ERC1: variants seen among roughly 807,000 people sequenced by gnomAD.
ERC1 encodes the protein RAB6 interacting protein 2.
A neutral mutation model predicts 132.0 loss-of-function variants in ERC1; 56 were observed. The ratio of observed to expected loss-of-function variants is 0.42; its 90% CI spans 0.34 to 0.53. The LOEUF (loss-of-function observed/expected upper bound fraction) is 0.53. Among genes scored for constraint, ERC1 ranks in the 20% least tolerant of loss-of-function variants. The pLI is 0.03. For missense variants in ERC1, 1,202 were observed against 1,349.9 expected (o/e 0.89, Z 1.72); for synonymous variants, 478 against 476.1 (o/e 1.00, Z -0.05).
chr12:1,124,254 CAA>C (rs1947901523), intron 7 of ERC1, among the ~76,000 whole-genome samples: 1 of 152,084 alleles, frequency 6.6e-6, no homozygotes, highest in Non-Finnish European at 1.5e-5. Context: ...TTAAAATTCC[CAA>C]GAGTCAAAGT....
intron 8 of ERC1, among the ~76,000 whole-genome samples, chr12:1,177,011 T>C (rs1073939): frequency 0.22 from 33,936 of 152,154 alleles, 4,434 homozygotes; most frequent in Non-Finnish European, 0.3. Context: ...CTTTACACTT[T>C]TATATTATGG....
At chr12:1,401,081 G>A (rs1208634502) in intron 16 of ERC1, among the ~76,000 whole-genome samples, 3 of 151,324 alleles carry the variant, frequency 2.0e-5, no homozygotes, top group African/African-American at 7.3e-5. Flanking sequence ...GACTACAGAC[G>A]CCCACCGCTG....
At chr12:1,457,025 A>T (rs1051838415) in intron 18 of ERC1, among the ~76,000 whole-genome samples, 22 of 152,220 alleles carry the variant, frequency 1.4e-4, no homozygotes, top group African/African-American at 4.8e-4. Flanking sequence ...CCGTAAGATG[A>T]TAAGACCATA....
intron 18 of ERC1, among the ~76,000 whole-genome samples, chr12:1,462,014 A>G (rs1230566751): frequency 2.0e-5 from 3 of 152,240 alleles, no homozygotes; most frequent in Non-Finnish European, 4.4e-5. Flanking sequence ...TATTTAATAG[A>G]TATTTAGTAT....
chr12:1,358,216 C>CAA lies in ERC1; in HGVS notation c.2781-13604_2781-13603dup, dbSNP rs546951526. Among the ~76,000 whole-genome samples the CAA allele has an allele frequency of 1.1e-3, 70 of 61,722 alleles. 1 individual carries two copies. In the South Asian group the frequency reaches 0.013, roughly 11 times the overall value. The allele number at this position is 61,722 out of a possible 152,430, so 40.5% of individuals were successfully genotyped here. Reference sequence around the variant, plus strand: ...ACAACATAGCAAGGCCTTGTCTGTTCAAAAAAAAAAAAAACACTAAACTTT... The same window carrying CAA: ...ACAACATAGCAAGGCCTTGTCTGTTCAAAAAAAAAAAAAAAACACTAAACTTT... On this transcript the variant is annotated intron_variant, in intron 15 of 18. Transcript: ENST00000360905.
intron 7 of ERC1, among the ~76,000 whole-genome samples, chr12:1,129,213 T>C (rs1012020968): frequency 6.6e-6 from 1 of 152,110 alleles, no homozygotes; most frequent in Non-Finnish European, 1.5e-5. Flanking sequence ...GCATGATGGC[T>C]CACGCCTGTA....
intron 16 of ERC1, among the ~76,000 whole-genome samples, chr12:1,400,335 A>G (rs921625519): frequency 1.3e-4 from 20 of 152,208 alleles, no homozygotes; most frequent in African/African-American, 4.8e-4. Context: ...TATCATATAT[A>G]TGATTTATAA....
intron 7 of ERC1, among the ~76,000 whole-genome samples, chr12:1,139,199 A>G (rs1240285284): frequency 6.6e-6 from 1 of 152,124 alleles, no homozygotes; most frequent in Non-Finnish European, 1.5e-5. Flanking sequence ...TTTTTTAGGT[A>G]GTGTGATGAA....
At chr12:1,328,210 A>T (rs7976985) in intron 15 of ERC1, among the ~76,000 whole-genome samples, 5,280 of 152,122 alleles carry the variant, frequency 0.035, 100 homozygotes, top group Middle Eastern at 0.075. Flanking sequence ...GCATTGGCAT[A>T]ATCACTGGTC....
At chr12:1,378,639 T>C (rs2088232274) in intron 16 of ERC1, among the ~76,000 whole-genome samples, 1 of 152,226 alleles carries the variant, frequency 6.6e-6, no homozygotes, top group Non-Finnish European at 1.5e-5. Context: ...GTTGCCATTA[T>C]TCTGTATTGT....
At chr12:1,177,601 C>T (rs945336134) in intron 8 of ERC1, among the ~76,000 whole-genome samples, 1 of 152,212 alleles carries the variant, frequency 6.6e-6, no homozygotes, top group African/African-American at 2.4e-5. Context: ...AGTTCACCAT[C>T]TCATACGGGC....
intron 2 of ERC1, among the ~76,000 whole-genome samples, chr12:1,038,668 C>T (rs2369494): frequency 0.96 from 145,793 of 152,290 alleles, 70,093 homozygotes; most frequent in East Asian, 1. Flanking sequence ...CTTTTCTTTC[C>T]TAATCTGATT....
chr12:1,099,913 T>C (rs944495593), intron 3 of ERC1, among the ~76,000 whole-genome samples: 2 of 131,830 alleles, frequency 1.5e-5, no homozygotes, highest in African/African-American at 5.6e-5. Context: ...AGTGGCACCA[T>C]CTCGGCTCAC....
intron 2 of ERC1, among the ~76,000 whole-genome samples, chr12:1,047,983 G>A (rs1051322596): frequency 2.6e-5 from 4 of 152,148 alleles, no homozygotes; most frequent in Non-Finnish European, 2.9e-5. Flanking sequence ...CTTGTAGTTC[G>A]CTTTCATCTT....
At chr12:1,293,498 G>A (rs571430992) in intron 15 of ERC1, among the ~76,000 whole-genome samples, 2 of 119,294 alleles carry the variant, frequency 1.7e-5, no homozygotes, top group Admixed American at 8.1e-5. Context: ...GCGTGGTGGC[G>A]TGCGCCTGTA....
At chr12:1,355,716 A>G (rs970202383) in intron 15 of ERC1, among the ~76,000 whole-genome samples, 24 of 152,364 alleles carry the variant, frequency 1.6e-4, no homozygotes, top group Admixed American at 1.2e-3. Context: ...GTCAGCTCCA[A>G]CTGGTCACAG....
intron 1 of ERC1, among the ~76,000 whole-genome samples, chr12:995,216 C>T (rs1960576288): frequency 6.6e-6 from 1 of 151,684 alleles, no homozygotes; most frequent in African/African-American, 2.4e-5. Flanking sequence ...GTCATTCCGT[C>T]GTTGCACTCC....
chr12:1,256,417 C>CT (rs2076823450), intron 13 of ERC1, among the ~76,000 whole-genome samples: 1 of 110,708 alleles, frequency 9.0e-6, no homozygotes, highest in Middle Eastern at 5.1e-3. Context: ...CGTTCTCAGA[C>CT]TAAAAAAAAA....
intron 12 of ERC1, among the ~76,000 whole-genome samples, chr12:1,218,319 C>A (rs1168073469): frequency 6.6e-6 from 1 of 152,006 alleles, no homozygotes; most frequent in African/African-American, 2.4e-5. Context: ...CCCTCATTAT[C>A]CTTCTCCCTC....
Sources: allele counts gnomAD v4.1 joint callset (sites outside exome capture counted in the v4.1 genomes callset), GRCh38; gene constraint gnomAD v4.1.1; transcripts MANE v1.5; gene names NCBI Gene and HGNC (gene_info 2026-07-23, HGNC 2026-07-21).